CLCN7: variants seen among roughly 807,000 people sequenced by gnomAD.
CLCN7 encodes the protein Cl-/H+ antiporter 7.
CLCN7 carries 60 observed loss-of-function variants against 102.1 expected under a neutral mutation model. That is an observed-to-expected ratio of 0.59 (90% CI 0.48 to 0.73). The LOEUF is 0.73. Among genes scored for constraint, CLCN7 ranks in the 30% least tolerant of loss-of-function variants. CLCN7 has a pLI of 0.00. For synonymous variants in CLCN7, 560 were observed against 490.5 expected (o/e 1.14, Z -1.87); for missense variants, 962 against 1,125.7 (o/e 0.85, Z 2.08).
At chr16:1,454,278 T>C (rs890830406) in intron 13 of CLCN7, 133 bp downstream of exon 13, 6 of 863,940 alleles carry the variant, frequency 6.9e-6, no homozygotes, top group Non-Finnish European at 1.1e-5. Flanking sequence ...TGGAAGAATC[T>C]GGAGGCCCCC....
chr16:1,458,286 G>A (rs1209213542), intron 7 of CLCN7, among the ~76,000 whole-genome samples: 3 of 152,374 alleles, frequency 2.0e-5, no homozygotes, highest in Middle Eastern at 3.4e-3. Context: ...ACCCACAAGG[G>A]CGCAGACCCT....
Position 1,446,391 on chromosome 16 carries a change from G to A in CLCN7, c.*240C>T, listed in dbSNP as rs900908722. On this transcript the variant is annotated 3_prime_UTR_variant, in exon 25 of 25. Coordinates refer to ENST00000382745, the MANE Select transcript of CLCN7 (RefSeq NM_001287.6). ...TCCCTGGAGGTAAAGAAACCTAGAC[G>A]AGGAGAGTGGAGGCTGGGCCTGCGC... 14 of 702,260 alleles carry A rather than the reference G, an allele frequency of 2.0e-5. No homozygotes were observed. Among genetic ancestry groups the A allele is most frequent in the African/African-American group, 3.5e-5 (2 of 57,262 alleles). The allele number at this position is 702,260 out of a possible 1,614,324, so 43.5% of individuals were successfully genotyped here.
chr16:1,449,264 G>A lies in CLCN7; in HGVS notation c.1669+12C>T. 2.5e-6 allele frequency: 4 copies of A among 1,581,248 alleles called. No homozygotes were observed. Among genetic ancestry groups the A allele is most frequent in the Non-Finnish European group, 3.4e-6 (4 of 1,164,194 alleles). On this transcript the variant is annotated intron_variant, in intron 18 of 24. Coordinates refer to ENST00000382745, the MANE Select transcript of CLCN7 (RefSeq NM_001287.6). ...GGAGCTCCCCACCCATCGGGCAAGA[G>A]CTGGGACATACCCAGCTGGGCAGCA...
At chr16:1,469,651 C>A (rs962743759) in intron 1 of CLCN7, among the ~76,000 whole-genome samples, 6 of 152,040 alleles carry the variant, frequency 3.9e-5, no homozygotes, top group Non-Finnish European at 7.4e-5. Context: ...ACACCACTGC[C>A]CTTCAGCCTG....
intron 1 of CLCN7, among the ~76,000 whole-genome samples, chr16:1,467,045 C>T (rs879934229): frequency 8.5e-5 from 13 of 152,118 alleles, no homozygotes; most frequent in Non-Finnish European, 1.6e-4. Context: ...TGTACACCCC[C>T]CGTGTTGATG....
Position 1,459,134 on chromosome 16 carries a change from C to T in CLCN7, c.648G>A (p.Val216=). ...IPQIKCFLNG[V]KIPHVVRLKT... is the part of the protein sequence containing the mutation. ...TGAGCCGCACCACGTGGGGGATCTT[C>T]ACCCCGTTGAGGAAGCACTTGATCT... Residue 216 remains valine (V), a synonymous_variant, in exon 7 of 25, where the codon GTG becomes GTA. Transcript: ENST00000382745. 1.9e-6 allele frequency: 3 copies of T among 1,613,098 alleles called. No individual in the cohort carries two copies. The highest frequency in any genetic ancestry group is 4.5e-5 in the East Asian group (2 of 44,880).
chr16:1,448,963 C>T lies in CLCN7; in HGVS notation c.1797+3G>A. 6.2e-7 allele frequency: 1 copy of T among 1,612,442 alleles called. No individual in the cohort carries two copies. The highest frequency in any genetic ancestry group is 8.5e-7 in the Non-Finnish European group (1 of 1,179,982). Reference sequence around the variant, plus strand: ...AGGGTGAGGCTTCGAGGCCCTGGCGCACCTCAATGAAGACGTCGCCCACGA... The same window carrying T: ...AGGGTGAGGCTTCGAGGCCCTGGCGTACCTCAATGAAGACGTCGCCCACGA... On this transcript the variant is annotated splice_donor_region_variant and intron_variant, in intron 19 of 24. Coordinates refer to ENST00000382745, the MANE Select transcript of CLCN7 (RefSeq NM_001287.6).
Position 1,458,995 on chromosome 16 carries a change from G to A in CLCN7, c.675+112C>T, listed in dbSNP as rs138651946. ...AGCCCATCTGCACACAGTGCCACCAGTACACAGGGTGGCTGAGGCCAGTTC... is the reference window on the plus strand; with the variant it reads ...AGCCCATCTGCACACAGTGCCACCAATACACAGGGTGGCTGAGGCCAGTTC... On this transcript the variant is annotated intron_variant, in intron 7 of 24. Coordinates refer to ENST00000382745, the MANE Select transcript of CLCN7 (RefSeq NM_001287.6). 280 of 857,538 alleles carry A rather than the reference G, an allele frequency of 3.3e-4. 1 individual carries two copies. The East Asian group carries it at 7.3e-3, about 22-fold the overall frequency. The allele number at this position is 857,538 out of a possible 1,614,324, so 53.1% of individuals were successfully genotyped here.
Position 1,455,298 on chromosome 16 carries a change from C to T in CLCN7, c.982-48G>A, listed in dbSNP as rs1203613429. On this transcript the variant is annotated intron_variant, in intron 11 of 24. Coordinates refer to ENST00000382745, the MANE Select transcript of CLCN7 (RefSeq NM_001287.6). ...AGCGCCCTCAGAGCCACGCTCCCAG[C>T]CCAGGGCTCACGGACCAGCAGGGAC... 16 of 1,216,776 alleles carry T rather than the reference C, an allele frequency of 1.3e-5. No individual in the cohort carries two copies. In the East Asian group the frequency reaches 3.5e-4, roughly 27 times the overall value. The allele number at this position is 1,216,776 out of a possible 1,614,324, so 75.4% of individuals were successfully genotyped here. A position where few individuals can be genotyped will look rare whatever the true frequency, so the allele number is the denominator to read the frequency against.
intron 18 of CLCN7, 51 bp downstream of exon 18, chr16:1,449,225 C>A (rs373980225): frequency 1.9e-6 from 3 of 1,567,356 alleles, no homozygotes; most frequent in Non-Finnish European, 1.7e-6. Flanking sequence ...GCCATGGCCC[C>A]CTCCAGACCC....
intron 14 of CLCN7, 61 bp downstream of exon 14, chr16:1,453,773 C>A: frequency 6.6e-7 from 1 of 1,519,092 alleles, no homozygotes; most frequent in Non-Finnish European, 9.1e-7. Context: ...ACCACGTCCG[C>A]TTTCAAAGGG....
chr16:1,460,455 A>G lies in CLCN7; in HGVS notation c.557T>C (p.Phe186Ser), dbSNP rs2142388133. The stretch of plus-strand genomic sequence containing the variant: ...CACAATCACAGAGCCCACGAGCACG[A>G]AGGCGGCGTTCAGCGTGGCCCACAG... ...LLLWATLNAA[F>S]VLVGSVIVAF... The change falls in exon 6 of 25, where the codon TTC (phenylalanine) becomes TCC (serine). Residue 186 changes from phenylalanine to serine, a missense_variant. Phe to Ser is a radical substitution (Grantham distance 155, BLOSUM62 -2). Around this residue, in one of 2 missense-constraint regions of CLCN7, gnomAD observed 799 missense variants for 988.0 expected, o/e 0.81. Coordinates refer to ENST00000382745, the MANE Select transcript of CLCN7 (RefSeq NM_001287.6). 2.5e-6 allele frequency: 4 copies of G among 1,613,826 alleles called. No individual in the cohort carries two copies. The highest frequency in any genetic ancestry group is 3.4e-6 in the Non-Finnish European group (4 of 1,179,950).
At chr16:1,453,214 T>C (rs1435636423) in intron 14 of CLCN7, among the ~76,000 whole-genome samples, 2 of 152,052 alleles carry the variant, frequency 1.3e-5, no homozygotes, top group East Asian at 1.9e-4. Context: ...GGTTTCTCCA[T>C]GTTGGTCAAG....
At chr16:1,453,754 C>A in intron 14 of CLCN7, 80 bp downstream of exon 14, 1 of 1,346,750 alleles carries the variant, frequency 7.4e-7, no homozygotes, top group South Asian at 1.2e-5. Context: ...GGAGTGTAAA[C>A]CCCATTCCAC....
chr16:1,450,769 C>T, intron 16 of CLCN7, 103 bp from the exon 17 acceptor site: 1 of 1,024,086 alleles, frequency 9.8e-7, no homozygotes, highest in Middle Eastern at 3.1e-4. Context: ...CTTCCAGGAG[C>T]CCAGCAACCT....
chr16:1,463,676 G>T (rs1219476957), intron 2 of CLCN7, among the ~76,000 whole-genome samples: 2 of 151,830 alleles, frequency 1.3e-5, no homozygotes, highest in African/African-American at 2.4e-5. Context: ...TAGAGACAGG[G>T]TCTCACTGTG....
At chr16:1,451,926 G>A (rs1304739167) in intron 15 of CLCN7, 2 of 587,456 alleles carry the variant, frequency 3.4e-6, no homozygotes, top group African/African-American at 1.8e-5. Flanking sequence ...AGGGAAAGGA[G>A]GACACACACG....
intron 18 of CLCN7, 63 bp downstream of exon 18, chr16:1,449,213 C>A: frequency 6.4e-7 from 1 of 1,569,256 alleles, no homozygotes; most frequent in Non-Finnish European, 8.6e-7. Flanking sequence ...CCCGCAAGGA[C>A]AGCCATGGCC....
intron 6 of CLCN7, among the ~76,000 whole-genome samples, chr16:1,459,909 A>C (rs1429832239): frequency 4.9e-5 from 5 of 102,720 alleles, no homozygotes; most frequent in African/African-American, 1.2e-4. Flanking sequence ...GGAAGGGGAG[A>C]GCAGCACACA....
Sources: gnomAD v4.1 joint callset for allele counts (sites outside exome capture counted in the v4.1 genomes callset) on GRCh38, gnomAD v4.1.1 for gene constraint, gnomAD v4.1.1 regional missense constraint, MANE v1.5 for transcripts, NCBI Gene and HGNC (gene_info 2026-07-23, HGNC 2026-07-21) for gene names.